The following CWC27 variants were observed in gnomAD, a reference collection of about 807,000 sequenced individuals.
CWC27 encodes CWC27 spliceosome associated cyclophilin, also known as spliceosome-associated protein CWC27 homolog.
In CWC27, 47 loss-of-function variants were observed where a neutral mutation model predicts 63.6. That is an observed-to-expected ratio of 0.74 (90% confidence interval 0.58 to 0.94). The LOEUF (loss-of-function observed/expected upper bound fraction) is 0.94, where lower values mean the gene tolerates loss of function less well. Ranked by LOEUF, CWC27 falls within the 40% of genes least tolerant of loss-of-function variation. The pLI is 0.00. For missense variants in CWC27, 495 were observed against 554.3 expected (o/e 0.89, Z 1.07); for synonymous variants, 175 against 179.8 (o/e 0.97, Z 0.22).
intron 13 of CWC27, among the ~76,000 whole-genome samples, chr5:65,004,914 AC>A: frequency 9.2e-6 from 1 of 108,146 alleles, no homozygotes; most frequent in African/African-American, 3.1e-5. Flanking sequence ...ATACATACAC[AC>A]ACACACACAC....
intron 7 of CWC27, among the ~76,000 whole-genome samples, chr5:64,795,009 G>A (rs182227906): frequency 8.7e-4 from 132 of 152,280 alleles, no homozygotes; most frequent in Admixed American, 3.1e-3. Flanking sequence ...ACAAGACGTA[G>A]TAACATTTTT....
At chr5:64,880,660 G>A (rs1005144154) in intron 10 of CWC27, among the ~76,000 whole-genome samples, 3 of 151,124 alleles carry the variant, frequency 2.0e-5, no homozygotes, top group African/African-American at 7.3e-5. Context: ...TATTTTATTG[G>A]GTTTTTTTTT....
intron 13 of CWC27, among the ~76,000 whole-genome samples, chr5:64,984,701 C>CT (rs1436989895): frequency 6.6e-6 from 1 of 152,154 alleles, no homozygotes; most frequent in East Asian, 1.9e-4. Context: ...ACATCCAAGT[C>CT]TTTTTTGGGA....
chr5:64,972,413 C>A (rs1749142337), intron 12 of CWC27, among the ~76,000 whole-genome samples: 1 of 152,048 alleles, frequency 6.6e-6, no homozygotes, highest in Non-Finnish European at 1.5e-5. Flanking sequence ...TAAAACAAAT[C>A]TCTTAAGCAG....
chr5:64,947,842 G>C (rs1370403809), intron 11 of CWC27, among the ~76,000 whole-genome samples: 1 of 152,010 alleles, frequency 6.6e-6, no homozygotes, highest in African/African-American at 2.4e-5. Flanking sequence ...TTGTTCCAAA[G>C]GATAGATGTT....
intron 13 of CWC27, among the ~76,000 whole-genome samples, chr5:65,012,956 C>T (rs1225046534): frequency 1.3e-5 from 2 of 152,158 alleles, no homozygotes; most frequent in African/African-American, 4.8e-5. Context: ...GAGTTGGAAG[C>T]CTGGCACTGA....
At chr5:64,854,130 T>C (rs778191414) in intron 10 of CWC27, among the ~76,000 whole-genome samples, 2 of 152,230 alleles carry the variant, frequency 1.3e-5, no homozygotes, top group African/African-American at 2.4e-5. Context: ...GGTCATACTA[T>C]GTATCAGTTT....
chr5:64,989,606 A>G (rs1749497545), intron 13 of CWC27, among the ~76,000 whole-genome samples: 1 of 152,224 alleles, frequency 6.6e-6, no homozygotes, highest in Non-Finnish European at 1.5e-5. Context: ...TCTTGAGATA[A>G]GAAGAAAGGG....
intron 10 of CWC27, among the ~76,000 whole-genome samples, chr5:64,809,190 G>A (rs553719855): frequency 5.9e-5 from 9 of 152,202 alleles, no homozygotes; most frequent in Admixed American, 4.6e-4. Flanking sequence ...TATATTTATA[G>A]GTTACTATGT....
intron 11 of CWC27, among the ~76,000 whole-genome samples, chr5:64,904,984 T>G (rs558269058): frequency 6.6e-6 from 1 of 152,114 alleles, no homozygotes; most frequent in African/African-American, 2.4e-5. Flanking sequence ...GTGGATCACC[T>G]GAGGTCAGGA....
At chr5:64,981,443 A>C (rs1437793990) in intron 13 of CWC27, among the ~76,000 whole-genome samples, 4 of 152,200 alleles carry the variant, frequency 2.6e-5, no homozygotes, top group African/African-American at 7.2e-5. Context: ...TATGACCATC[A>C]TATTCCACTA....
chr5:64,907,980 G>T (rs943051342), intron 11 of CWC27, among the ~76,000 whole-genome samples: 2 of 152,038 alleles, frequency 1.3e-5, no homozygotes, highest in African/African-American at 4.8e-5. Flanking sequence ...GTGATGTTAA[G>T]GTGTCGATTT....
At chr5:64,924,170 T>C (rs1179808928) in intron 11 of CWC27, among the ~76,000 whole-genome samples, 1 of 152,218 alleles carries the variant, frequency 6.6e-6, no homozygotes, top group Admixed American at 6.5e-5. Flanking sequence ...ACCTAGGTTT[T>C]ACTCCCAGCT....
At chr5:64,773,920 G>A (rs565350087) in intron 1 of CWC27, 2 of 152,270 alleles carry the variant, frequency 1.3e-5, no homozygotes, top group South Asian at 4.1e-4. Context: ...TAGTATTTTA[G>A]TAAATCACAA....
intron 11 of CWC27, among the ~76,000 whole-genome samples, chr5:64,948,641 A>G (rs1748642116): frequency 6.6e-6 from 1 of 152,084 alleles, no homozygotes; most frequent in Admixed American, 6.6e-5. Flanking sequence ...TGAGAAACAA[A>G]TATTTTGTAA....
chr5:64,779,643 C>G (rs1300960360), intron 2 of CWC27, among the ~76,000 whole-genome samples: 1 of 152,144 alleles, frequency 6.6e-6, no homozygotes, highest in Non-Finnish European at 1.5e-5. Context: ...TTTATTACCC[C>G]AAAAGAAAAC....
At chr5:64,877,125 C>T (rs1746812238) in intron 10 of CWC27, among the ~76,000 whole-genome samples, 1 of 151,950 alleles carries the variant, frequency 6.6e-6, no homozygotes, top group Admixed American at 6.6e-5. Context: ...ATGTTTATTG[C>T]AGCACTATTC....
At chr5:64,916,154 A>T (rs946453728) in intron 11 of CWC27, among the ~76,000 whole-genome samples, 1 of 152,228 alleles carries the variant, frequency 6.6e-6, no homozygotes, top group African/African-American at 2.4e-5. Flanking sequence ...ATGAAATTAC[A>T]TTTTATAGAC....
chr5:64,834,501 A>G (rs972328301), intron 10 of CWC27, among the ~76,000 whole-genome samples: 3 of 151,778 alleles, frequency 2.0e-5, no homozygotes, highest in African/African-American at 7.2e-5. Flanking sequence ...CCTATGAAAC[A>G]CCTTTCACTC....
Sources: allele counts gnomAD v4.1 joint callset (sites outside exome capture counted in the v4.1 genomes callset), GRCh38; gene constraint gnomAD v4.1.1; transcripts MANE v1.5; gene names NCBI Gene and HGNC (gene_info 2026-07-23, HGNC 2026-07-21).